Variants in NTNG2 observed in about 807,000 individuals in gnomAD.
The protein encoded by NTNG2 is netrin G2, also known as netrin-G2.
NTNG2 carries 15 observed loss-of-function variants against 47.6 expected under a neutral mutation model. The observed-to-expected ratio is 0.32, with a 90% CI of 0.21 to 0.49. The LOEUF (loss-of-function observed/expected upper bound fraction) is 0.49. Ranked by LOEUF, NTNG2 falls within the 20% of genes least tolerant of loss-of-function variation. The pLI is 0.99. For missense variants in NTNG2, 578 were observed against 764.6 expected (o/e 0.76, Z 2.88); for synonymous variants, 307 against 324.6 (o/e 0.95, Z 0.58).
chr9:132,200,908 C>T (rs997471106), intron 3 of NTNG2, among the ~76,000 whole-genome samples: 5 of 152,238 alleles, frequency 3.3e-5, no homozygotes, highest in South Asian at 2.1e-4. Context: ...CCTCTGCCCT[C>T]GGGATGCAAT....
intron 2 of NTNG2, among the ~76,000 whole-genome samples, chr9:132,171,069 C>T (rs139145121): frequency 7.9e-5 from 12 of 152,120 alleles, no homozygotes; most frequent in East Asian, 3.9e-4. Context: ...AGCTGGGAGC[C>T]GAGATTCCCA....
At chr9:132,185,723 A>T (rs572218304) in intron 2 of NTNG2, among the ~76,000 whole-genome samples, 8 of 151,002 alleles carry the variant, frequency 5.3e-5, no homozygotes, top group East Asian at 2.0e-4. Flanking sequence ...TTTACTTTTT[A>T]AAAAAGTATG....
At chr9:132,199,375 T>C (rs1414930398) in intron 3 of NTNG2, among the ~76,000 whole-genome samples, 5 of 152,166 alleles carry the variant, frequency 3.3e-5, no homozygotes, top group Non-Finnish European at 4.4e-5. Flanking sequence ...CAATGAAGGA[T>C]ACAGATTAAA....
intron 3 of NTNG2, among the ~76,000 whole-genome samples, chr9:132,199,265 C>A (rs576816294): frequency 6.6e-6 from 1 of 152,268 alleles, no homozygotes; most frequent in South Asian, 2.1e-4. Context: ...AATGGGCTCT[C>A]ATGTTCAGGG....
intron 4 of NTNG2, among the ~76,000 whole-genome samples, chr9:132,227,722 C>T (rs1046680420): frequency 2.0e-5 from 3 of 152,188 alleles, no homozygotes; most frequent in African/African-American, 7.2e-5. Context: ...TGCCAGGGAG[C>T]CATCCTCAGG....
intron 2 of NTNG2, among the ~76,000 whole-genome samples, chr9:132,168,237 G>A (rs1296804289): frequency 2.0e-5 from 3 of 152,218 alleles, no homozygotes; most frequent in African/African-American, 7.2e-5. Context: ...GCAGTGCTCC[G>A]GAGGCCGTCC....
intron 2 of NTNG2, among the ~76,000 whole-genome samples, chr9:132,194,820 G>A (rs955633883): frequency 5.9e-5 from 9 of 152,260 alleles, no homozygotes; most frequent in African/African-American, 2.2e-4. Flanking sequence ...GGCAGCCAGG[G>A]GACCTGTCCT....
At chr9:132,196,548 T>C (rs901112795) in intron 2 of NTNG2, among the ~76,000 whole-genome samples, 2 of 152,222 alleles carry the variant, frequency 1.3e-5, no homozygotes, top group African/African-American at 4.8e-5. Context: ...TGCAGTATTA[T>C]ACGGCATAGC....
chr9:132,240,054 G>A lies in NTNG2; in HGVS notation c.1222+783G>A, dbSNP rs150887139. ...CCAGCCTGGAATGGTTGCCCCTGTC[G>A]TCAGTAGAGGCCAGGTCTCGGCCTC... On this transcript the variant is annotated intron_variant, in intron 6 of 7. Transcript: ENST00000393229. Among the ~76,000 whole-genome samples the A allele has an allele frequency of 1.5e-3, 226 of 152,358 alleles. 4 individuals are homozygous for A. Among genetic ancestry groups the A allele is most frequent in the Non-Finnish European group, 4.6e-4 (31 of 68,040 alleles).
At chr9:132,238,878 C>A (rs968852028) in intron 5 of NTNG2, 3 of 623,034 alleles carry the variant, frequency 4.8e-6, no homozygotes, top group South Asian at 1.7e-5. Context: ...AGGTGGGAAT[C>A]CCTGGGCTCA....
intron 3 of NTNG2, among the ~76,000 whole-genome samples, chr9:132,200,886 G>A (rs1838696220): frequency 6.6e-6 from 1 of 152,204 alleles, no homozygotes; most frequent in Non-Finnish European, 1.5e-5. Context: ...CAGCCCCTGG[G>A]CATCTCCGTG....
intron 2 of NTNG2, among the ~76,000 whole-genome samples, chr9:132,174,746 A>G (rs1836283333): frequency 6.6e-6 from 1 of 151,644 alleles, no homozygotes. Context: ...ACATGGGGAA[A>G]CCCCGTCTCT....
At chr9:132,220,578 C>G (rs1309075151) in intron 3 of NTNG2, among the ~76,000 whole-genome samples, 2 of 151,856 alleles carry the variant, frequency 1.3e-5, no homozygotes, top group East Asian at 3.9e-4. Flanking sequence ...CAGGACCTCC[C>G]AAGTAGTTGG....
At position 132,186,500 on chromosome 9, in the gene NTNG2, G is replaced by C. The variant is rs553554724; in HGVS notation, c.214-11466G>C. ...CTCTGGTGGTTCGGCTGACGGAGGAGATCAGTCATTCAGGGGTCTGCGGTC... is the reference window on the plus strand; with the variant it reads ...CTCTGGTGGTTCGGCTGACGGAGGACATCAGTCATTCAGGGGTCTGCGGTC... On this transcript the variant is annotated intron_variant, in intron 2 of 7. Coordinates refer to ENST00000393229, the MANE Select transcript of NTNG2 (RefSeq NM_032536.4). Among the ~76,000 whole-genome samples, 318 of 152,364 alleles carry C rather than the reference G, an allele frequency of 2.1e-3. 4 individuals are homozygous for C. The highest frequency in any genetic ancestry group is 5.0e-4 in the Non-Finnish European group (34 of 68,042).
intron 3 of NTNG2, among the ~76,000 whole-genome samples, chr9:132,211,086 C>T (rs1440874044): frequency 6.6e-6 from 1 of 152,178 alleles, no homozygotes; most frequent in African/African-American, 2.4e-5. Flanking sequence ...CGGAGGCCTC[C>T]GCAGCAGCCC....
chr9:132,241,856 A>G lies in NTNG2; in HGVS notation c.1358-20A>G, dbSNP rs1842013263. 2 of 1,534,310 alleles carry G rather than the reference A, an allele frequency of 1.3e-6. No individual in the cohort carries two copies. The highest frequency in any genetic ancestry group is 1.7e-6 in the Non-Finnish European group (2 of 1,143,460). On this transcript the variant is annotated intron_variant, in intron 7 of 7. Coordinates refer to ENST00000393229, the MANE Select transcript of NTNG2 (RefSeq NM_032536.4). Reference sequence around the variant, plus strand: ...GGGGACCGGGCCACCCCCCGTGCTGACCGCCCCCTCCGCCTGCAGCCAACG... The same window carrying G: ...GGGGACCGGGCCACCCCCCGTGCTGGCCGCCCCCTCCGCCTGCAGCCAACG...
At chr9:132,200,477 A>T (rs942202350) in intron 3 of NTNG2, among the ~76,000 whole-genome samples, 1 of 152,262 alleles carries the variant, frequency 6.6e-6, no homozygotes, top group African/African-American at 2.4e-5. Context: ...CGTCTTGAAC[A>T]GACATTGGCT....
chr9:132,217,334 AG>A (rs1313625991), intron 3 of NTNG2, among the ~76,000 whole-genome samples: 1 of 152,044 alleles, frequency 6.6e-6, no homozygotes, highest in African/African-American at 2.4e-5. Context: ...TGAGGCAGGG[AG>A]GGGAAGGGTG....
chr9:132,207,393 T>G (rs935225070), intron 3 of NTNG2, among the ~76,000 whole-genome samples: 36 of 152,186 alleles, frequency 2.4e-4, no homozygotes, highest in Admixed American at 2.4e-3. Flanking sequence ...GCCGGCAGCC[T>G]CTGGCGTTCC....
Sources: gnomAD v4.1 joint callset for allele counts (sites outside exome capture counted in the v4.1 genomes callset) on GRCh38, gnomAD v4.1.1 for gene constraint, MANE v1.5 for transcripts, NCBI Gene and HGNC (gene_info 2026-07-23, HGNC 2026-07-21) for gene names.